Variants in MYO9B observed in about 807,000 individuals in gnomAD.
The protein encoded by MYO9B is unconventional myosin-IXb.
A neutral mutation model predicts 229.5 loss-of-function variants in MYO9B; 71 were observed. That is an observed-to-expected ratio of 0.31 (90% confidence interval 0.26 to 0.38). The LOEUF (loss-of-function observed/expected upper bound fraction) is 0.38, where lower values mean the gene tolerates loss of function less well. MYO9B is among the 10% of genes least tolerant of loss of function. MYO9B has a pLI of 1.00. For synonymous variants in MYO9B, 1,185 were observed against 1,235.8 expected (o/e 0.96, Z 0.86); for missense variants, 2,255 against 2,920.5 (o/e 0.77, Z 5.25).
chr19:17,080,925 A>C (rs1287661779), intron 1 of MYO9B, among the ~76,000 whole-genome samples: 1 of 152,014 alleles, frequency 6.6e-6, no homozygotes, highest in Non-Finnish European at 1.5e-5. Flanking sequence ...GAGGTTTAGG[A>C]TTTCAATATG....
chr19:17,157,762 T>G (rs2072553180), intron 7 of MYO9B: 1 of 152,330 alleles, frequency 6.6e-6, no homozygotes, highest in Admixed American at 6.6e-5. Context: ...ACTCCTGTAA[T>G]CCAAGCTACC....
intron 35 of MYO9B, chr19:17,207,552 T>C (rs1263568690): frequency 6.5e-6 from 1 of 154,936 alleles, no homozygotes; most frequent in African/African-American, 2.4e-5. Flanking sequence ...TATTTAAATA[T>C]AAAAATTTAA....
Position 17,210,799 on chromosome 19 carries a change from C to T in MYO9B, c.5881C>T (p.Arg1961Trp), listed in dbSNP as rs748092391. 9 of 1,594,680 alleles carry T rather than the reference C, an allele frequency of 5.6e-6. No homozygotes were observed. Among genetic ancestry groups the T allele is most frequent in the Non-Finnish European group, 7.7e-6 (9 of 1,171,216 alleles). The change falls in exon 38 of 40, where the codon CGG (arginine) becomes TGG (tryptophan). Residue 1961 changes from arginine to tryptophan, a missense_variant. Transcript: ENST00000682292. ...EEEAAGGDED[R>W]EKEILIERIQ... Reference sequence around the variant, plus strand: ...GGAGGCAGCCGGCGGCGATGAGGACCGGGAAAAGGAGATTCTCATTGAACG... The same window carrying T: ...GGAGGCAGCCGGCGGCGATGAGGACTGGGAAAAGGAGATTCTCATTGAACG...
In MYO9B at chr19:17,104,115, C is replaced by T. The variant is rs551536802; in HGVS notation, c.840+1558C>T. On this transcript the variant is annotated intron_variant, in intron 2 of 39. Transcript: ENST00000682292. ...ATTTGGCTTCCAGAACATGGCCATT[C>T]ATTCTCAAGGTGCCTGAAAGAAAAG... 5.9e-5 allele frequency among the ~76,000 whole-genome samples: 9 copies of T among 151,706 alleles called. No individual in the cohort carries two copies. In the East Asian group the frequency reaches 1.6e-3, roughly 26 times the overall value.
At chr19:17,186,631 A>G (rs2072922382) in intron 18 of MYO9B, among the ~76,000 whole-genome samples, 1 of 151,984 alleles carries the variant, frequency 6.6e-6, no homozygotes, top group South Asian at 2.1e-4. Flanking sequence ...TCTGTGATAA[A>G]ACCCATTTTG....
intron 1 of MYO9B, among the ~76,000 whole-genome samples, chr19:17,094,964 C>T (rs1433607331): frequency 1.3e-5 from 2 of 149,994 alleles, no homozygotes; most frequent in African/African-American, 2.5e-5. Context: ...TTTGGCCAGG[C>T]GCAGTGGCTC....
chr19:17,088,620 T>C (rs1033731164), intron 1 of MYO9B, among the ~76,000 whole-genome samples: 6 of 152,272 alleles, frequency 3.9e-5, no homozygotes, highest in African/African-American at 1.4e-4. Flanking sequence ...CAGACCGTGG[T>C]ATGAGCCCAT....
chr19:17,085,047 C>T (rs1312439442), intron 1 of MYO9B, among the ~76,000 whole-genome samples: 5 of 152,134 alleles, frequency 3.3e-5, no homozygotes, highest in South Asian at 2.1e-4. Context: ...AGGTCAAGCC[C>T]GTGACTGGCC....
At chr19:17,208,605 G>C (rs976724027) in intron 35 of MYO9B, among the ~76,000 whole-genome samples, 3 of 151,748 alleles carry the variant, frequency 2.0e-5, no homozygotes, top group Admixed American at 6.6e-5. Context: ...CTAATTTTTT[G>C]TATTTTTAGT....
At chr19:17,156,019 CAAAA>C (rs34932047) in intron 6 of MYO9B, among the ~76,000 whole-genome samples, 1 of 113,544 alleles carries the variant, frequency 8.8e-6, no homozygotes, top group Non-Finnish European at 1.8e-5. Context: ...GACTCTGTCT[CAAAA>C]AAAAAAAAAA....
chr19:17,093,103 G>A (rs113447205), intron 1 of MYO9B, among the ~76,000 whole-genome samples: 3,567 of 152,180 alleles, frequency 0.023, 154 homozygotes, highest in African/African-American at 0.082. Context: ...AGGCTGAGGT[G>A]GGCGGATCAC....
In MYO9B at chr19:17,200,655, G is replaced by A; in HGVS notation, c.4389G>A (p.Gln1463=). The A allele has an allele frequency of 6.2e-7, 1 of 1,613,550 alleles. No homozygotes were observed. The highest frequency in any genetic ancestry group is 8.5e-7 in the Non-Finnish European group (1 of 1,179,658). The part of the protein sequence containing the change: ...KKGLEAPSGQ[Q]HRHAAGEKRT... ...CCCCCTCAGCCCCCTCCGGACAGCA[G>A]CATCGCCACGCTGCAGGTGAGAAGC... Residue 1463 remains glutamine, a synonymous_variant, in exon 26 of 40, where the codon CAG becomes CAA. Transcript: ENST00000682292.
chr19:17,129,679 G>A (rs1424796846), intron 2 of MYO9B, among the ~76,000 whole-genome samples: 1 of 152,214 alleles, frequency 6.6e-6, no homozygotes, highest in Non-Finnish European at 1.5e-5. Context: ...GCTTCTTAAA[G>A]GAATGCGAGT....
intron 35 of MYO9B, among the ~76,000 whole-genome samples, chr19:17,208,762 A>G (rs1257769700): frequency 6.6e-6 from 1 of 152,206 alleles, no homozygotes; most frequent in Admixed American, 6.5e-5. Context: ...TCTCTGCTAC[A>G]AAGCGTCCTG....
chr19:17,202,728 T>C, intron 28 of MYO9B, 114 bp from the exon 29 acceptor site: 1 of 1,063,918 alleles, frequency 9.4e-7, no homozygotes, highest in Non-Finnish European at 1.4e-6. Flanking sequence ...ATGATGCCAC[T>C]CCAGGTGAGG....
intron 1 of MYO9B, among the ~76,000 whole-genome samples, chr19:17,082,572 T>C (rs1393452392): frequency 6.6e-6 from 1 of 151,876 alleles, no homozygotes; most frequent in Non-Finnish European, 1.5e-5. Context: ...AGATTTTGAT[T>C]CCCAGGGTAT....
chr19:17,124,842 G>C (rs2058000339), intron 2 of MYO9B, among the ~76,000 whole-genome samples: 1 of 150,926 alleles, frequency 6.6e-6, no homozygotes, highest in Non-Finnish European at 1.5e-5. Context: ...TATGTTATCA[G>C]AATCCATGGG....
intron 1 of MYO9B, among the ~76,000 whole-genome samples, chr19:17,083,799 C>T (rs1487755309): frequency 2.0e-5 from 3 of 151,650 alleles, no homozygotes; most frequent in Non-Finnish European, 4.4e-5. Context: ...TACAGGCACC[C>T]GCTACCACGC....
intron 19 of MYO9B, among the ~76,000 whole-genome samples, chr19:17,189,789 C>A (rs1031152383): frequency 6.6e-6 from 1 of 151,880 alleles, no homozygotes; most frequent in Admixed American, 6.6e-5. Flanking sequence ...GTTGGCTGGG[C>A]GCAGTGGCTC....
Sources: allele counts gnomAD v4.1 joint callset (sites outside exome capture counted in the v4.1 genomes callset), GRCh38; gene constraint gnomAD v4.1.1; transcripts MANE v1.5; gene names NCBI Gene and HGNC (gene_info 2026-07-23, HGNC 2026-07-21).